The following SP100 variants were observed in gnomAD, a reference collection of about 807,000 sequenced individuals.
SP100 encodes SP100 nuclear body protein, also known as nuclear autoantigen Sp-100.
Under a neutral mutation model 130.0 loss-of-function variants are expected in SP100, and 84 were observed. That is an observed-to-expected ratio of 0.65 (90% CI 0.54 to 0.77). The LOEUF (loss-of-function observed/expected upper bound fraction) is 0.77. Among genes scored for constraint, SP100 ranks in the 30% least tolerant of loss-of-function variants. The pLI, the probability that SP100 is intolerant of heterozygous loss-of-function variation, is 0.00. For synonymous variants in SP100, 331 were observed against 351.7 expected (o/e 0.94, Z 0.66); for missense variants, 978 against 1,052.2 (o/e 0.93, Z 0.97).
intron 18 of SP100, among the ~76,000 whole-genome samples, chr2:230,497,796 T>G (rs2066779919): frequency 6.6e-6 from 1 of 152,068 alleles, no homozygotes; most frequent in Non-Finnish European, 1.5e-5. Flanking sequence ...CAAATTCCCC[T>G]TGGACAATAA....
intron 16 of SP100, among the ~76,000 whole-genome samples, chr2:230,473,749 A>C (rs1276444017): frequency 1.3e-5 from 2 of 152,190 alleles, no homozygotes; most frequent in African/African-American, 4.8e-5. Context: ...GATCATTATA[A>C]AGCCATATTT....
rs554239081 is a variant in SP100, at chr2:230,520,706, A to T, written c.2094+9540A>T. On this transcript the variant is annotated intron_variant, in intron 24 of 28. Coordinates refer to ENST00000340126, the MANE Select transcript of SP100 (RefSeq NM_001080391.2). ...GAAATAAATAATTTGATAACAGTTT[A>T]TTGAAAGCCAAATGTGAGGATCAAC... The T allele has an allele frequency of 5.3e-5, 8 of 152,364 alleles. No individual in the cohort carries two copies. The East Asian group carries it at 1.5e-3, about 29-fold the overall frequency. The allele number at this position is 152,364 out of a possible 1,614,324, so 9.4% of individuals were successfully genotyped here. A position where few individuals can be genotyped will look rare whatever the true frequency, so the allele number is the denominator to read the frequency against.
chr2:230,445,419 G>A (rs1463370824), intron 4 of SP100, among the ~76,000 whole-genome samples: 1 of 152,172 alleles, frequency 6.6e-6, no homozygotes, highest in African/African-American at 2.4e-5. Flanking sequence ...GTGAGAAGCA[G>A]TATACAAGTT....
In SP100 at chr2:230,497,488, GGAGGAGAGGAGAGGAGAGGA is replaced by G. The variant is rs1201615462; in HGVS notation, c.1646-932_1646-913del. Among the ~76,000 whole-genome samples, 162 of 32,466 alleles carry G rather than the reference GGAGGAGAGGAGAGGAGAGGA, an allele frequency of 5.0e-3. 8 individuals are homozygous for G. The highest frequency in any genetic ancestry group is 0.02 in the African/African-American group (145 of 7,078). 21.3% of individuals were successfully genotyped at this position (32,466 alleles called of 152,430 possible). On this transcript the variant is annotated intron_variant, in intron 18 of 28. Coordinates refer to ENST00000340126, the MANE Select transcript of SP100 (RefSeq NM_001080391.2). Reference sequence around the variant, plus strand: ...GGGAAGGAGGGGAGGGGAGGGGAGGGGAGGAGAGGAGAGGAGAGGAGAGGAGAGGAGAGGAGAGGAGAGGA... The same window carrying G: ...GGGAAGGAGGGGAGGGGAGGGGAGGGGAGGAGAGGAGAGGAGAGGAGAGGA...
intron 24 of SP100, among the ~76,000 whole-genome samples, chr2:230,516,928 G>A (rs115495277): frequency 0.012 from 1,819 of 151,998 alleles, 23 homozygotes; most frequent in South Asian, 0.033. Flanking sequence ...TACTCTTTAG[G>A]ATATTCACAT....
chr2:230,512,386 T>G (rs1479529274), intron 24 of SP100, among the ~76,000 whole-genome samples: 2 of 148,648 alleles, frequency 1.3e-5, no homozygotes, highest in African/African-American at 2.5e-5. Flanking sequence ...ACCTGCTGGA[T>G]TCAGGCAATT....
chr2:230,526,272 G>C (rs993208068), intron 24 of SP100, among the ~76,000 whole-genome samples: 1 of 152,142 alleles, frequency 6.6e-6, no homozygotes, highest in African/African-American at 2.4e-5. Flanking sequence ...AGGCAAACAG[G>C]GTCTGGAGTG....
At chr2:230,448,191 A>T (rs1473152668) in intron 5 of SP100, among the ~76,000 whole-genome samples, 1 of 152,186 alleles carries the variant, frequency 6.6e-6, no homozygotes, top group Non-Finnish European at 1.5e-5. Flanking sequence ...TCAAAGAGAA[A>T]GGCGGTCATG....
intron 2 of SP100, among the ~76,000 whole-genome samples, chr2:230,418,996 T>A (rs9678342): frequency 6.6e-6 from 1 of 151,954 alleles, no homozygotes; most frequent in African/African-American, 2.4e-5. Flanking sequence ...TTGAAGAGAA[T>A]GGACATCTTT....
At chr2:230,535,721 A>G (rs1046497025) in intron 24 of SP100, among the ~76,000 whole-genome samples, 1 of 151,852 alleles carries the variant, frequency 6.6e-6, no homozygotes, top group Non-Finnish European at 1.5e-5. Flanking sequence ...CAGCCTGCCA[A>G]CATGGTGAAA....
intron 2 of SP100, among the ~76,000 whole-genome samples, chr2:230,423,809 G>T (rs1326552732): frequency 5.3e-5 from 8 of 152,170 alleles, no homozygotes; most frequent in African/African-American, 1.9e-4. Context: ...TCAGTGGAAC[G>T]AGTGGGGGAA....
intron 17 of SP100, among the ~76,000 whole-genome samples, chr2:230,484,404 C>G (rs1165501701): frequency 6.6e-6 from 1 of 152,184 alleles, no homozygotes; most frequent in Non-Finnish European, 1.5e-5. Context: ...TGCCAATTAG[C>G]TTTACTCAAC....
chr2:230,522,839 G>A (rs1250699356), intron 24 of SP100, among the ~76,000 whole-genome samples: 1 of 151,480 alleles, frequency 6.6e-6, no homozygotes, highest in Non-Finnish European at 1.5e-5. Flanking sequence ...TTTTGAGGCA[G>A]AGTCTCGCTC....
chr2:230,457,216 A>G (rs2064321955), intron 8 of SP100, among the ~76,000 whole-genome samples: 1 of 152,132 alleles, frequency 6.6e-6, no homozygotes, highest in South Asian at 2.1e-4. Flanking sequence ...CAGAATCTGC[A>G]GGGCTCTACA....
At chr2:230,416,740 C>T in intron 1 of SP100, 6 of 989,942 alleles carry the variant, frequency 6.1e-6, no homozygotes, top group Non-Finnish European at 7.2e-6. Context: ...AAACACCTGG[C>T]TTACTTTTAA....
intron 11 of SP100, 51 bp from the exon 12 acceptor site, chr2:230,466,250 T>G (rs773188595): frequency 9.8e-7 from 1 of 1,025,572 alleles, no homozygotes; most frequent in Non-Finnish European, 1.5e-6. Context: ...TGTCATAGAA[T>G]TTATAAGTCT....
chr2:230,484,015 C>T (rs2150023838), intron 17 of SP100, among the ~76,000 whole-genome samples: 1 of 152,286 alleles, frequency 6.6e-6, no homozygotes, highest in Non-Finnish European at 1.5e-5. Flanking sequence ...GAACAAAGCT[C>T]ATCTAACACA....
At chr2:230,495,889 AT>A (rs2066643770) in intron 18 of SP100, among the ~76,000 whole-genome samples, 1 of 152,126 alleles carries the variant, frequency 6.6e-6, no homozygotes, top group South Asian at 2.1e-4. Flanking sequence ...ATTTGGATAT[AT>A]TTTTTCCCAT....
At chr2:230,432,910 T>C (rs975011634) in intron 2 of SP100, among the ~76,000 whole-genome samples, 1 of 152,198 alleles carries the variant, frequency 6.6e-6, no homozygotes, top group South Asian at 2.1e-4. Context: ...TTGTCTTACC[T>C]AAAGTCACAA....
Sources: gnomAD v4.1 joint callset for allele counts (sites outside exome capture counted in the v4.1 genomes callset) on GRCh38, gnomAD v4.1.1 for gene constraint, MANE v1.5 for transcripts, NCBI Gene and HGNC (gene_info 2026-07-23, HGNC 2026-07-21) for gene names.